Variants in PRKAR2B observed in about 807,000 individuals in gnomAD.
PRKAR2B encodes the protein cAMP-dependent protein kinase type II-beta regulatory subunit.
Under a neutral mutation model 49.9 loss-of-function variants are expected in PRKAR2B, and 14 were observed. The ratio of observed to expected loss-of-function variants is 0.28; its 90% CI spans 0.19 to 0.44. The LOEUF (loss-of-function observed/expected upper bound fraction) is 0.44. Among genes scored for constraint, PRKAR2B ranks in the 20% least tolerant of loss-of-function variants. The pLI is 1.00. For synonymous variants in PRKAR2B, 196 were observed against 197.7 expected, an observed-to-expected ratio of 0.99 and a Z score of 0.07; for missense variants, 393 against 537.9, an observed-to-expected ratio of 0.73 and a Z score of 2.67.
At chr7:107,117,230 A>T (rs896919783) in intron 2 of PRKAR2B, among the ~76,000 whole-genome samples, 25 of 151,016 alleles carry the variant, frequency 1.7e-4, no homozygotes, top group Admixed American at 1.3e-4. Flanking sequence ...GAAAAAGGTA[A>T]TTTTTTTTTC....
At chr7:107,099,210 G>A (rs1011773105) in intron 2 of PRKAR2B, among the ~76,000 whole-genome samples, 1 of 152,220 alleles carries the variant, frequency 6.6e-6, no homozygotes, top group Non-Finnish European at 1.5e-5. Flanking sequence ...TCAAGCCTCA[G>A]TAATGGTGGA....
rs538635328 is a variant in PRKAR2B at position 107,107,400 on chromosome 7, G to T, written c.344-14552G>T. Among the ~76,000 whole-genome samples the T allele has an allele frequency of 1.7e-4, 26 of 152,116 alleles. 1 individual carries two copies. In the South Asian group the frequency reaches 5.4e-3, roughly 32 times the overall value. On this transcript the variant is annotated intron_variant, in intron 2 of 10. Coordinates refer to ENST00000265717, the MANE Select transcript of PRKAR2B (RefSeq NM_002736.3). ...TCCCAATTTGTATTGGACCCAAGTG[G>T]TGTTGCTAAACTAAAGAAAATTAGT...
At chr7:107,106,649 C>T (rs1390615991) in intron 2 of PRKAR2B, among the ~76,000 whole-genome samples, 1 of 152,162 alleles carries the variant, frequency 6.6e-6, no homozygotes, top group Non-Finnish European at 1.5e-5. Flanking sequence ...TGTGAGGTCC[C>T]ACTCCTGGTG....
chr7:107,086,760 G>A (rs1046383406), intron 2 of PRKAR2B, among the ~76,000 whole-genome samples: 8 of 152,208 alleles, frequency 5.3e-5, no homozygotes, highest in Middle Eastern at 3.4e-3. Flanking sequence ...CTCACCGGAC[G>A]AAAATGTCTT....
chr7:107,069,530 C>G (rs748454495), intron 1 of PRKAR2B: 4 of 152,114 alleles, frequency 2.6e-5, no homozygotes, highest in Non-Finnish European at 4.4e-5. Context: ...GTACCTGCTT[C>G]TCTTGAGAAA....
At chr7:107,052,697 A>G (rs1305557972) in intron 1 of PRKAR2B, among the ~76,000 whole-genome samples, 2 of 152,238 alleles carry the variant, frequency 1.3e-5, no homozygotes, top group African/African-American at 4.8e-5. Context: ...ATCAAAAAAT[A>G]AGCTACCTAC....
At chr7:107,101,497 A>G (rs1794965264) in intron 2 of PRKAR2B, among the ~76,000 whole-genome samples, 1 of 152,222 alleles carries the variant, frequency 6.6e-6, no homozygotes, top group South Asian at 2.1e-4. Context: ...TCCTACCCAC[A>G]CTGCCTTCCA....
chr7:107,098,493 T>C (rs1794893051), intron 2 of PRKAR2B, among the ~76,000 whole-genome samples: 1 of 152,100 alleles, frequency 6.6e-6, no homozygotes, highest in Admixed American at 6.6e-5. Flanking sequence ...TATTACTGAT[T>C]GTCTGAAGCC....
intron 2 of PRKAR2B, among the ~76,000 whole-genome samples, chr7:107,073,953 T>G (rs367746791): frequency 2.6e-5 from 4 of 151,868 alleles, no homozygotes; most frequent in African/African-American, 7.3e-5. Context: ...TCCCAGTTAC[T>G]CGGGAGGCTG....
intron 2 of PRKAR2B, among the ~76,000 whole-genome samples, chr7:107,072,928 G>A (rs1311938819): frequency 2.6e-5 from 4 of 152,146 alleles, no homozygotes; most frequent in Admixed American, 6.6e-5. Context: ...AAGTCTGTAC[G>A]ACGTAAGAGT....
At chr7:107,086,555 A>G (rs1031509381) in intron 2 of PRKAR2B, among the ~76,000 whole-genome samples, 2 of 151,746 alleles carry the variant, frequency 1.3e-5, no homozygotes, top group Non-Finnish European at 2.9e-5. Context: ...GCTCACCCCT[A>G]GGCTCAAGTG....
chr7:107,138,071 CTTTCT>C (rs1419454239), intron 4 of PRKAR2B, among the ~76,000 whole-genome samples: 15 of 151,920 alleles, frequency 9.9e-5, no homozygotes, highest in Non-Finnish European at 4.4e-5. Context: ...TCTGGCACTC[CTTTCT>C]TTTCATCTCT....
At chr7:107,094,072 T>C (rs1794788715) in intron 2 of PRKAR2B, among the ~76,000 whole-genome samples, 1 of 152,214 alleles carries the variant, frequency 6.6e-6, no homozygotes, top group Admixed American at 6.5e-5. Flanking sequence ...TTCTAGATCC[T>C]TGAGGAATCG....
chr7:107,116,955 G>GTGTA (rs749042503), intron 2 of PRKAR2B, among the ~76,000 whole-genome samples: 18 of 142,576 alleles, frequency 1.3e-4, no homozygotes, highest in Middle Eastern at 3.6e-3. Context: ...GTGTGTGTGT[G>GTGTA]TATATATATA....
At chr7:107,082,380 C>T (rs1004804530) in intron 2 of PRKAR2B, among the ~76,000 whole-genome samples, 4 of 152,054 alleles carry the variant, frequency 2.6e-5, no homozygotes, top group Admixed American at 6.6e-5. Context: ...GTTTTAATTG[C>T]TCTGCTTTTC....
At chr7:107,107,153 A>G (rs2116819863) in intron 2 of PRKAR2B, among the ~76,000 whole-genome samples, 1 of 152,336 alleles carries the variant, frequency 6.6e-6, no homozygotes, top group Non-Finnish European at 1.5e-5. Flanking sequence ...CCTGGCCAAC[A>G]TGGTGAAACC....
chr7:107,109,565 A>G (rs1366467372), intron 2 of PRKAR2B, among the ~76,000 whole-genome samples: 6 of 152,072 alleles, frequency 3.9e-5, no homozygotes, highest in Admixed American at 3.3e-4. Flanking sequence ...CTTGGCCTAC[A>G]TTCTGTTTTG....
At chr7:107,117,642 G>A (rs887318787) in intron 2 of PRKAR2B, among the ~76,000 whole-genome samples, 4 of 152,110 alleles carry the variant, frequency 2.6e-5, no homozygotes, top group African/African-American at 7.2e-5. Context: ...GTGCAGAGTC[G>A]TTTTGACCAT....
intron 2 of PRKAR2B, among the ~76,000 whole-genome samples, chr7:107,075,639 A>T (rs1267253049): frequency 2.6e-5 from 4 of 152,052 alleles, no homozygotes; most frequent in Non-Finnish European, 5.9e-5. Context: ...AGCTCTAGGG[A>T]TCCACCTGCC....
Sources: allele counts gnomAD v4.1 joint callset (sites outside exome capture counted in the v4.1 genomes callset), GRCh38; gene constraint gnomAD v4.1.1; transcripts MANE v1.5; gene names NCBI Gene and HGNC (gene_info 2026-07-23, HGNC 2026-07-21).